Variants in DMBT1 observed in about 807,000 individuals in gnomAD.
DMBT1 encodes the protein scavenger receptor cysteine-rich domain-containing protein DMBT1.
Under a neutral mutation model 252.9 loss-of-function variants are expected in DMBT1, and 198 were observed. The observed-to-expected ratio is 0.78, with a 90% confidence interval of 0.70 to 0.88. The LOEUF is 0.88. Among genes scored for constraint, DMBT1 ranks in the 40% least tolerant of loss-of-function variants. The pLI, the probability that DMBT1 is intolerant of heterozygous loss-of-function variation, is 0.00. For synonymous variants in DMBT1, 990 were observed against 942.7 expected (o/e 1.05, Z -0.92); for missense variants, 2,432 against 2,404.7 (o/e 1.01, Z -0.24).
At chr10:122,586,863 G>A (rs964103333) in intron 16 of DMBT1, among the ~76,000 whole-genome samples, 4 of 148,354 alleles carry the variant, frequency 2.7e-5, no homozygotes, top group African/African-American at 9.7e-5. Flanking sequence ...GGCGAGGGAT[G>A]AAGCAAGATG....
At chr10:122,625,663 C>A (rs1301584287) in intron 45 of DMBT1, among the ~76,000 whole-genome samples, 1 of 152,214 alleles carries the variant, frequency 6.6e-6, no homozygotes, top group Non-Finnish European at 1.5e-5. Flanking sequence ...AATACTTCTG[C>A]ACGTATTTGT....
Position 122,589,263 on chromosome 10 carries a change from C to T in DMBT1, c.2103C>T (p.Cys701=). 1 of 1,588,560 alleles carries T rather than the reference C, an allele frequency of 6.3e-7. No individual in the cohort carries two copies. ...CGHHEDAGVI[C]SAAQSRSTPR... is the part of the protein sequence containing the mutation. ...ATCATGAAGATGCTGGTGTCATCTG[C>T]TCAGGTGGGCCTCCAGCAATTTTGG... Residue 701 remains cysteine, a synonymous_variant, in exon 17 of 56, where the codon TGC becomes TGT. Transcript: ENST00000338354.
chr10:122,577,176 A>ATTTTCCCC lies in DMBT1; in HGVS notation c.607+455_607+462dup, dbSNP rs1269955541. Among the ~76,000 whole-genome samples the ATTTTCCCC allele has an allele frequency of 1.2e-4, 18 of 151,896 alleles. 1 individual carries two copies. The highest frequency in any genetic ancestry group is 4.1e-4 in the African/African-American group (17 of 41,332). Reference sequence around the variant, plus strand: ...GAACATCCGCATAACTCATACCCCCATTTTCCCCGAGGCTCCTTCTCAGGG... The same window carrying ATTTTCCCC: ...GAACATCCGCATAACTCATACCCCCATTTTCCCCTTTTCCCCGAGGCTCCTTCTCAGGG... On this transcript the variant is annotated intron_variant, in intron 7 of 55. Coordinates refer to ENST00000338354, the MANE Select transcript of DMBT1 (RefSeq NM_001377530.1).
At chr10:122,634,437 TCTCTCTCTCTCTCTCTCTCTCTC>T (rs2098203770) in intron 52 of DMBT1, among the ~76,000 whole-genome samples, 1 of 39,468 alleles carries the variant, frequency 2.5e-5, no homozygotes, top group Non-Finnish European at 5.2e-5. Context: ...CTCTTCTCTC[TCTCTCTCTCTCTCTCTCTCTCTC>T]TCTCTCTCTC....
intron 40 of DMBT1, 137 bp from the exon 41 acceptor site, chr10:122,617,880 C>T: frequency 1.4e-6 from 2 of 1,453,956 alleles, no homozygotes; most frequent in Non-Finnish European, 9.4e-7. Flanking sequence ...AGCTGAACCT[C>T]CGGTAGCAGT....
chr10:122,633,159 G>T, intron 51 of DMBT1, 32 bp from the exon 52 acceptor site: 1 of 1,611,960 alleles, frequency 6.2e-7, no homozygotes. Context: ...TGCTCTGGGG[G>T]TCACCGACAT....
chr10:122,598,687 A>C, intron 25 of DMBT1, 87 bp from the exon 26 acceptor site: 1 of 1,599,606 alleles, frequency 6.3e-7, no homozygotes, highest in Non-Finnish European at 8.5e-7. Context: ...GACTTTAGCC[A>C]TTAGGACATG....
intron 44 of DMBT1, among the ~76,000 whole-genome samples, chr10:122,621,784 G>T (rs1166944854): frequency 6.6e-6 from 1 of 152,208 alleles, no homozygotes; most frequent in Non-Finnish European, 1.5e-5. Flanking sequence ...ATATGTTGGG[G>T]TAGGGAATTC....
rs374929039 is a variant in DMBT1, at chr10:122,597,065, A to AG, written c.2917+12dup. The AG allele has an allele frequency of 0.095, 51,304 of 542,806 alleles. 4,208 individuals are homozygous for AG. Among genetic ancestry groups the AG allele is most frequent in the African/African-American group, 0.32 (10,989 of 34,818 alleles). 33.6% of individuals were successfully genotyped at this position (542,806 alleles called of 1,614,324 possible). ...CGACGCCCAGTCCAGGTGAGTCCCCAGTGTCCTTCCTTGGGATGTCCCTTC... is the reference window on the plus strand; with the variant it reads ...CGACGCCCAGTCCAGGTGAGTCCCCAGGTGTCCTTCCTTGGGATGTCCCTTC... On this transcript the variant is annotated intron_variant, in intron 24 of 55. Transcript: ENST00000338354.
chr10:122,565,999 A>G lies in DMBT1; in HGVS notation c.91+3A>G, dbSNP rs746053246. ...GATCCCAAGGACTACAGACTACGGTAAGACCTTTTCTTCACTCCTCTTCCC... is the reference window on the plus strand; with the variant it reads ...GATCCCAAGGACTACAGACTACGGTGAGACCTTTTCTTCACTCCTCTTCCC... On this transcript the variant is annotated splice_donor_region_variant and intron_variant, in intron 2 of 55. Coordinates refer to ENST00000338354, the MANE Select transcript of DMBT1 (RefSeq NM_001377530.1). 1.2e-6 allele frequency: 2 copies of G among 1,613,938 alleles called. No individual in the cohort carries two copies. Among genetic ancestry groups the G allele is most frequent in the East Asian group, 4.5e-5 (2 of 44,876 alleles).
chr10:122,572,367 G>A lies in DMBT1; in HGVS notation c.235+6G>A, dbSNP rs537785062. ...GGAGTCAACCGTAGCAGAAGGTAAC[G>A]TCTACTATGGGGGAGCTCTATGGGC... On this transcript the variant is annotated splice_donor_region_variant and intron_variant, in intron 5 of 55. Transcript: ENST00000338354. 3.3e-5 allele frequency: 54 copies of A among 1,612,780 alleles called. No individual in the cohort carries two copies. The Middle Eastern group carries it at 8.3e-4, about 25-fold the overall frequency.
chr10:122,590,147 G>A (rs2097837109), intron 17 of DMBT1, among the ~76,000 whole-genome samples: 1 of 148,846 alleles, frequency 6.7e-6, no homozygotes, highest in South Asian at 2.3e-4. Context: ...GGAAACACAA[G>A]GCTGGGAGTG....
intron 53 of DMBT1, 122 bp from the exon 54 acceptor site, chr10:122,637,006 G>A (rs2098232042): frequency 1.1e-6 from 1 of 870,818 alleles, no homozygotes; most frequent in Admixed American, 2.4e-5. Flanking sequence ...CATCCTAAGT[G>A]CTGACCCTCC....
chr10:122,592,542 G>A lies in DMBT1; in HGVS notation c.2447G>A (p.Gly816Asp), dbSNP rs376863791. The A allele has an allele frequency of 8.8e-6, 14 of 1,588,154 alleles. 3 individuals carry two copies. The highest frequency in any genetic ancestry group is 1.2e-5 in the Non-Finnish European group (14 of 1,165,618). Residue 816 changes from glycine (G) to aspartate (D), a missense_variant, in exon 20 of 56, where the codon GGC becomes GAC. This residue lies in a region of DMBT1 where 1,264 missense variants were observed against 1,082.2 expected (regional missense o/e 1.17). Transcript: ENST00000338354. ...TACCTGTGGAGCTGCCCCCACAATGGCTGGCTCTCCCACAACTGTGGCCAT... is the reference window on the plus strand; with the variant it reads ...TACCTGTGGAGCTGCCCCCACAATGACTGGCTCTCCCACAACTGTGGCCAT... Reference protein sequence around the residue: ...ESYLWSCPHNGWLSHNCGHHE... With the variant: ...ESYLWSCPHNDWLSHNCGHHE...
chr10:122,573,742 T>C lies in DMBT1; in HGVS notation c.263T>C (p.Leu88Pro). The C allele has an allele frequency of 1.2e-6, 2 of 1,613,904 alleles. No individual in the cohort carries two copies. Among genetic ancestry groups the C allele is most frequent in the Non-Finnish European group, 1.7e-6 (2 of 1,179,838 alleles). Residue 88 changes from leucine to proline, a missense_variant, in exon 6 of 56, where the codon CTG becomes CCG. This residue lies in a region of DMBT1 where 1,264 missense variants were observed against 1,082.2 expected (regional missense o/e 1.17). Coordinates refer to ENST00000338354, the MANE Select transcript of DMBT1 (RefSeq NM_001377530.1). ...TCTCTGATTCCCTCAGAGTCAACCCTGGAGTCAACTGTAGCAGAAGGTAAC... is the reference window on the plus strand; with the variant it reads ...TCTCTGATTCCCTCAGAGTCAACCCCGGAGTCAACTGTAGCAGAAGGTAAC... ...EGSLIPSESTLESTVAEGSDS... is the reference protein window; with the variant it reads ...EGSLIPSESTPESTVAEGSDS...
chr10:122,576,677 T>A lies in DMBT1; in HGVS notation c.562T>A (p.Ser188Thr), dbSNP rs768191138. 6.2e-7 allele frequency: 1 copy of A among 1,613,766 alleles called. No individual in the cohort carries two copies. The highest frequency in any genetic ancestry group is 8.5e-7 in the Non-Finnish European group (1 of 1,179,724). Residue 188 changes from serine to threonine, a missense_variant, in exon 7 of 56, where the codon TCC (serine) becomes ACC (threonine). Coordinates refer to ENST00000338354, the MANE Select transcript of DMBT1 (RefSeq NM_001377530.1). ...LWSCPHNGWLSHNCGHGEDAG... is the reference protein window; with the variant it reads ...LWSCPHNGWLTHNCGHGEDAG... Reference sequence around the variant, plus strand: ...GAGCTGCCCCCACAATGGCTGGCTCTCCCATAACTGTGGCCATGGTGAAGA... The same window carrying A: ...GAGCTGCCCCCACAATGGCTGGCTCACCCATAACTGTGGCCATGGTGAAGA...
chr10:122,631,720 A>G, intron 49 of DMBT1, 135 bp from the exon 50 acceptor site: 5 of 854,966 alleles, frequency 5.8e-6, no homozygotes, highest in South Asian at 1.5e-5. Context: ...CTCAATAGCA[A>G]TTGCTGGGTG....
intron 55 of DMBT1, among the ~76,000 whole-genome samples, chr10:122,641,277 G>A (rs1844479672): frequency 1.3e-5 from 2 of 152,208 alleles, no homozygotes; most frequent in African/African-American, 4.8e-5. Context: ...ATGACACCAT[G>A]ATGTGCAACT....
chr10:122,589,073 T>A lies in DMBT1; in HGVS notation c.1913T>A (p.Val638Glu), dbSNP rs1439815728. ...AGCTGGGACACCAATGATGCCAATG[T>A]GGTCTGCAGGCAGCTGGGCTGTGGC... ...DDSWDTNDAN[V>E]VCRQLGCGWA... Residue 638 changes from valine to glutamate, a missense_variant, in exon 17 of 56, where the codon GTG (valine) becomes GAG (glutamate). By Grantham distance (121) the Val-to-Glu change is moderately radical. Transcript: ENST00000338354. 1.3e-6 allele frequency: 2 copies of A among 1,588,662 alleles called. No homozygotes were observed. The highest frequency in any genetic ancestry group is 1.7e-6 in the Non-Finnish European group (2 of 1,165,938).
Sources: allele counts gnomAD v4.1 joint callset (sites outside exome capture counted in the v4.1 genomes callset), GRCh38; gene constraint gnomAD v4.1.1; regional missense constraint gnomAD v4.1.1; transcripts MANE v1.5; gene names NCBI Gene and HGNC (gene_info 2026-07-23, HGNC 2026-07-21).